The following RYK variants were observed in gnomAD, a reference collection of about 807,000 sequenced individuals.
The protein encoded by RYK is inactive tyrosine-protein kinase RYK.
Under a neutral mutation model 70.2 loss-of-function variants are expected in RYK, and 21 were observed. The observed-to-expected ratio is 0.30, with a 90% confidence interval of 0.21 to 0.43. The LOEUF (loss-of-function observed/expected upper bound fraction) is 0.43. RYK is among the 20% of genes least tolerant of loss of function. The pLI is 1.00. For missense variants in RYK, 604 were observed against 753.3 expected (o/e 0.80, Z 2.32); for synonymous variants, 267 against 278.0 (o/e 0.96, Z 0.39).
At chr3:134,216,792 C>CAAAAAA (rs61441674) in intron 2 of RYK, among the ~76,000 whole-genome samples, 4,302 of 37,416 alleles carry the variant, frequency 0.11, 1,143 homozygotes, top group Non-Finnish European at 0.15. Context: ...GACTCTGTCT[C>CAAAAAA]AAAAAAAAAA....
intron 13 of RYK, among the ~76,000 whole-genome samples, chr3:134,175,365 G>T (rs1394758404): frequency 2.7e-5 from 4 of 148,358 alleles, no homozygotes; most frequent in Non-Finnish European, 4.4e-5. Context: ...AAAAAAAAGT[G>T]CTTCTGTCAG....
chr3:134,242,899 G>A (rs1390322435), intron 1 of RYK, among the ~76,000 whole-genome samples: 1 of 152,132 alleles, frequency 6.6e-6, no homozygotes, highest in South Asian at 2.1e-4. Flanking sequence ...CAATGTCTCT[G>A]CCTGTCTCCC....
intron 1 of RYK, among the ~76,000 whole-genome samples, chr3:134,248,707 T>C (rs936672616): frequency 6.6e-6 from 1 of 151,526 alleles, no homozygotes; most frequent in Admixed American, 6.6e-5. Context: ...CTGAGGCAGG[T>C]GAATCACCTG....
chr3:134,208,130 A>G (rs1482526988), intron 4 of RYK, among the ~76,000 whole-genome samples: 4 of 152,222 alleles, frequency 2.6e-5, no homozygotes, highest in African/African-American at 9.6e-5. Flanking sequence ...AAATTACTCC[A>G]ACACAGAATT....
rs184120450 is a variant in RYK, at chr3:134,242,314, A to G, written c.232+8109T>C. ...GAGCAAAACTCCGTCTCAAAAAAAA[A>G]AAAAAGATAAGAATGAGACCTATGA... On this transcript the variant is annotated intron_variant, in intron 1 of 14. Coordinates refer to ENST00000623711, the MANE Select transcript of RYK (RefSeq NM_002958.4). Among the ~76,000 whole-genome samples, 41 of 152,256 alleles carry G rather than the reference A, an allele frequency of 2.7e-4. 2 individuals are homozygous for G. Among genetic ancestry groups the G allele is most frequent in the African/African-American group, 9.1e-4 (38 of 41,544 alleles).
chr3:134,221,210 T>C (rs2014725919), intron 2 of RYK, among the ~76,000 whole-genome samples: 2 of 130,362 alleles, frequency 1.5e-5, no homozygotes, highest in Non-Finnish European at 3.3e-5. Context: ...TTTTTTTTTT[T>C]TTTTTTTTTT....
intron 1 of RYK, among the ~76,000 whole-genome samples, chr3:134,240,006 A>G (rs1270625985): frequency 1.3e-5 from 2 of 152,244 alleles, no homozygotes; most frequent in Non-Finnish European, 2.9e-5. Flanking sequence ...TGAGTGGTGC[A>G]GGGAGGGGCA....
At chr3:134,170,114 C>A (rs1182337630) in intron 13 of RYK, among the ~76,000 whole-genome samples, 1 of 152,082 alleles carries the variant, frequency 6.6e-6, no homozygotes, top group Non-Finnish European at 1.5e-5. Flanking sequence ...CCTTTCAATT[C>A]CAATTATCTA....
chr3:134,175,398 G>A (rs1374191669), intron 13 of RYK, among the ~76,000 whole-genome samples: 1 of 151,612 alleles, frequency 6.6e-6, no homozygotes, highest in Non-Finnish European at 1.5e-5. Context: ...AGGATGAAAT[G>A]AGATTACAAA....
At chr3:134,167,321 T>C (rs78836333) in intron 13 of RYK, among the ~76,000 whole-genome samples, 13,145 of 151,972 alleles carry the variant, frequency 0.086, 1,176 homozygotes, top group South Asian at 0.32. Flanking sequence ...AAGCTGGAGG[T>C]ATCATGCTAC....
At chr3:134,239,454 C>T (rs533605504) in intron 1 of RYK, among the ~76,000 whole-genome samples, 8 of 151,878 alleles carry the variant, frequency 5.3e-5, no homozygotes, top group Admixed American at 5.2e-4. Context: ...AAAGAGAGAC[C>T]CTGTCTCAAA....
intron 1 of RYK, among the ~76,000 whole-genome samples, chr3:134,237,221 T>C (rs1252375553): frequency 6.6e-6 from 1 of 152,206 alleles, no homozygotes; most frequent in African/African-American, 2.4e-5. Context: ...TTTTTCCAAA[T>C]GATTTTAAAA....
At chr3:134,217,672 A>G (rs538557247) in intron 2 of RYK, among the ~76,000 whole-genome samples, 1 of 152,306 alleles carries the variant, frequency 6.6e-6, no homozygotes, top group Admixed American at 6.5e-5. Flanking sequence ...TATGCATGGA[A>G]GCTTATATAC....
At chr3:134,227,495 G>GT (rs1421118988) in intron 1 of RYK, among the ~76,000 whole-genome samples, 2 of 151,232 alleles carry the variant, frequency 1.3e-5, no homozygotes, top group Non-Finnish European at 1.5e-5. Context: ...TTCAACTTTA[G>GT]TATTTTCAAC....
chr3:134,191,462 A>G (rs2013637932), intron 8 of RYK, among the ~76,000 whole-genome samples: 1 of 152,204 alleles, frequency 6.6e-6, no homozygotes, highest in African/African-American at 2.4e-5. Context: ...TAAGGACCAA[A>G]ACCAAAGCCC....
At chr3:134,232,530 G>A (rs962335048) in intron 1 of RYK, among the ~76,000 whole-genome samples, 4 of 152,094 alleles carry the variant, frequency 2.6e-5, no homozygotes, top group African/African-American at 7.2e-5. Context: ...AAAATAAATT[G>A]TAAATTTAAA....
In RYK at chr3:134,222,518, T is replaced by A. The variant is rs1474423396; in HGVS notation, c.254A>T (p.Tyr85Phe). Residue 85 changes from tyrosine (Y) to phenylalanine (F), a missense_variant, in exon 2 of 15, where the codon TAT becomes TTT. Transcript: ENST00000623711. ...RLIGLDAELYYVRNDLISHYA... is the reference protein window; with the variant it reads ...RLIGLDAELYFVRNDLISHYA... ...GTGACTAATAAGGTCATTTCTCACA[T>A]AATAAAGTTCTGCATCAAGACCTAG... 6.2e-7 allele frequency: 1 copy of A among 1,611,374 alleles called. No homozygotes were observed. The highest frequency in any genetic ancestry group is 2.2e-5 in the East Asian group (1 of 44,830).
chr3:134,229,374 G>A (rs2107689458), intron 1 of RYK, among the ~76,000 whole-genome samples: 1 of 138,576 alleles, frequency 7.2e-6, no homozygotes, highest in South Asian at 2.4e-4. Flanking sequence ...GCTCTCCTTT[G>A]GGCTGGAAAA....
intron 7 of RYK, among the ~76,000 whole-genome samples, chr3:134,192,229 G>T (rs1049092275): frequency 2.6e-5 from 4 of 152,074 alleles, no homozygotes; most frequent in African/African-American, 9.7e-5. Flanking sequence ...CCTAAAAATA[G>T]TATTACCATG....
Sources: allele counts gnomAD v4.1 joint callset (sites outside exome capture counted in the v4.1 genomes callset), GRCh38; gene constraint gnomAD v4.1.1; transcripts MANE v1.5; gene names NCBI Gene and HGNC (gene_info 2026-07-23, HGNC 2026-07-21).